PARD3B: variants seen among roughly 807,000 people sequenced by gnomAD.
The protein encoded by PARD3B is par-3 family cell polarity regulator beta.
Under a neutral mutation model 130.2 loss-of-function variants are expected in PARD3B, and 103 were observed. That is an observed-to-expected ratio of 0.79 (90% CI 0.67 to 0.93). The LOEUF (loss-of-function observed/expected upper bound fraction) is 0.93, where lower values mean the gene tolerates loss of function less well. Among genes scored for constraint, PARD3B ranks in the 40% least tolerant of loss-of-function variants. The pLI, the probability that PARD3B is intolerant of heterozygous loss-of-function variation, is 0.00. For missense variants in PARD3B, 1,609 were observed against 1,499.2 expected (o/e 1.07, Z -1.21); for synonymous variants, 583 against 553.2 (o/e 1.05, Z -0.76).
Position 204,714,362 on chromosome 2 carries a change from T to C in PARD3B, c.222+28080T>C, listed in dbSNP as rs571948608. 2.2e-4 allele frequency among the ~76,000 whole-genome samples: 34 copies of C among 152,188 alleles called. 1 individual carries two copies. The highest frequency in any genetic ancestry group is 4.9e-4 in the Non-Finnish European group (33 of 68,004). ...CAAAAAATCCAAACTCTCTTAAATA[T>C]CATGAATTTCATGTTCTTGTTTCCT... On this transcript the variant is annotated intron_variant, in intron 2 of 22. Transcript: ENST00000406610.
intron 20 of PARD3B, among the ~76,000 whole-genome samples, chr2:205,498,789 G>A (rs1345674217): frequency 1.3e-5 from 2 of 152,172 alleles, no homozygotes; most frequent in Non-Finnish European, 2.9e-5. Context: ...CTCAGCTGAA[G>A]TGTCACCTCC....
intron 19 of PARD3B, among the ~76,000 whole-genome samples, chr2:205,430,366 A>G (rs2047288949): frequency 6.6e-6 from 1 of 152,198 alleles, no homozygotes; most frequent in Non-Finnish European, 1.5e-5. Flanking sequence ...ACTCCTCCTC[A>G]AAAATGTTGA....
chr2:204,766,965 C>CTTTTTTTTTTTTTTTTCTTTTTT (rs68009060), intron 2 of PARD3B, among the ~76,000 whole-genome samples: 1 of 114,486 alleles, frequency 8.7e-6, no homozygotes, highest in African/African-American at 3.4e-5. Context: ...TTTTCTTTTT[C>CTTTTTTTTTTTTTTTTCTTTTTT]TTTTTTTTTT....
At chr2:205,242,489 G>A (rs1011958361) in intron 15 of PARD3B, among the ~76,000 whole-genome samples, 1 of 152,140 alleles carries the variant, frequency 6.6e-6, no homozygotes, top group East Asian at 1.9e-4. Flanking sequence ...GTACAGTCTA[G>A]TGTACTTTCA....
At chr2:205,028,880 C>G (rs1697224843) in intron 3 of PARD3B, among the ~76,000 whole-genome samples, 1 of 152,110 alleles carries the variant, frequency 6.6e-6, no homozygotes, top group Non-Finnish European at 1.5e-5. Flanking sequence ...TTTTTATACA[C>G]TAACATTTAA....
intron 22 of PARD3B, among the ~76,000 whole-genome samples, chr2:205,554,755 A>G (rs541680737): frequency 6.6e-6 from 1 of 152,300 alleles, no homozygotes; most frequent in Admixed American, 6.5e-5. Flanking sequence ...TATTCCCTAA[A>G]CAGCACAGTA....
At chr2:204,964,324 T>C (rs1037373603) in intron 2 of PARD3B, among the ~76,000 whole-genome samples, 2 of 152,228 alleles carry the variant, frequency 1.3e-5, no homozygotes, top group Non-Finnish European at 2.9e-5. Context: ...CCGTCGTCAC[T>C]GTCTATACAG....
intron 1 of PARD3B, among the ~76,000 whole-genome samples, chr2:204,580,583 C>T (rs1407697277): frequency 1.3e-5 from 2 of 152,302 alleles, no homozygotes; most frequent in East Asian, 3.9e-4. Context: ...ACAAATAACT[C>T]CACCTGGGCG....
At chr2:205,554,999 A>G (rs971300729) in intron 22 of PARD3B, among the ~76,000 whole-genome samples, 26 of 152,076 alleles carry the variant, frequency 1.7e-4, no homozygotes, top group African/African-American at 6.0e-4. Context: ...GGACAGTTAC[A>G]TTTTGTTTCA....
chr2:204,780,370 T>C (rs993425214), intron 2 of PARD3B, among the ~76,000 whole-genome samples: 2 of 152,196 alleles, frequency 1.3e-5, no homozygotes, highest in African/African-American at 2.4e-5. Flanking sequence ...TAAAGCAGTT[T>C]GGCCTTTGAT....
intron 20 of PARD3B, among the ~76,000 whole-genome samples, chr2:205,491,749 C>G (rs368541202): frequency 1.3e-4 from 20 of 152,200 alleles, no homozygotes; most frequent in African/African-American, 3.9e-4. Context: ...AATACTAAGA[C>G]AAGGATCTCA....
At position 204,669,912 on chromosome 2, in the gene PARD3B, T is replaced by C. The variant is rs1010647962; in HGVS notation, c.121-16269T>C. ...AGGTAACCACTAAAGGGAATAAAAA[T>C]ATTTGAATAACTCTATTAATGGAAA... On this transcript the variant is annotated intron_variant, in intron 1 of 22. Coordinates refer to ENST00000406610, the MANE Select transcript of PARD3B (RefSeq NM_001302769.2). The surrounding 1 kb of genome is among the most constrained non-coding windows in gnomAD (Gnocchi z 4.3). Among the ~76,000 whole-genome samples the C allele has an allele frequency of 6.6e-6, 1 of 152,122 alleles. No homozygotes were observed. Among genetic ancestry groups the C allele is most frequent in the African/African-American group, 2.4e-5 (1 of 41,418 alleles).
rs997680884 is a variant in PARD3B at position 205,280,393 on chromosome 2, G to A, written c.2186-20137G>A. ...TTTTTCTCTTTTCAATGGAATTCAC[G>A]ACTGTTCTTGGTTTTCAGACTTGTG... On this transcript the variant is annotated intron_variant, in intron 16 of 22. Coordinates refer to ENST00000406610, the MANE Select transcript of PARD3B (RefSeq NM_001302769.2). The surrounding 1 kb of genome is among the most constrained non-coding windows in gnomAD (Gnocchi z 4.7). 3.3e-5 allele frequency among the ~76,000 whole-genome samples: 5 copies of A among 152,138 alleles called. No individual in the cohort carries two copies. Among genetic ancestry groups the A allele is most frequent in the Non-Finnish European group, 5.9e-5 (4 of 68,024 alleles).
chr2:205,404,813 C>T (rs1186556438), intron 19 of PARD3B, among the ~76,000 whole-genome samples: 1 of 152,190 alleles, frequency 6.6e-6, no homozygotes, highest in Admixed American at 6.5e-5. Flanking sequence ...CATGCCCAGA[C>T]TGTTGCCATT....
At chr2:204,990,548 CTAG>C (rs1355793885) in intron 3 of PARD3B, among the ~76,000 whole-genome samples, 1 of 152,064 alleles carries the variant, frequency 6.6e-6, no homozygotes, top group Non-Finnish European at 1.5e-5. Flanking sequence ...TTTCCAGACT[CTAG>C]TAACTATCAT....
intron 2 of PARD3B, among the ~76,000 whole-genome samples, chr2:204,956,466 G>A (rs1418263331): frequency 3.9e-5 from 6 of 151,918 alleles, no homozygotes; most frequent in Middle Eastern, 6.3e-3. Context: ...TTTAAAAAAA[G>A]CAGGTAAGAT....
At chr2:204,770,826 C>T (rs1559131070) in intron 2 of PARD3B, among the ~76,000 whole-genome samples, 2 of 152,042 alleles carry the variant, frequency 1.3e-5, no homozygotes, top group Non-Finnish European at 2.9e-5. Flanking sequence ...ACTTATTTCC[C>T]TATCAGGAGT....
intron 1 of PARD3B, among the ~76,000 whole-genome samples, chr2:204,670,589 A>G (rs1228665416): frequency 1.3e-5 from 2 of 151,892 alleles, no homozygotes; most frequent in East Asian, 3.9e-4. Flanking sequence ...AATTTTAGAC[A>G]TTTTCTGTTT....
intron 21 of PARD3B, among the ~76,000 whole-genome samples, chr2:205,548,032 C>A (rs1407642851): frequency 2.0e-5 from 3 of 152,130 alleles, no homozygotes; most frequent in South Asian, 2.1e-4. Context: ...TCATGGAATT[C>A]TTTTCTTGGT....
Sources: allele counts gnomAD v4.1 joint callset (sites outside exome capture counted in the v4.1 genomes callset), GRCh38; gene constraint gnomAD v4.1.1; non-coding constraint Gnocchi (gnomAD v3.1); transcripts MANE v1.5; gene names NCBI Gene and HGNC (gene_info 2026-07-23, HGNC 2026-07-21).